Variants in GPHN observed in about 807,000 individuals in gnomAD.
GPHN encodes gephyrin.
A neutral mutation model predicts 95.5 loss-of-function variants in GPHN; 17 were observed. The observed-to-expected ratio is 0.18, with a 90% CI of 0.12 to 0.27. The LOEUF (loss-of-function observed/expected upper bound fraction) is 0.27, where lower values mean the gene tolerates loss of function less well. GPHN is among the 10% of genes least tolerant of loss of function. GPHN has a pLI of 1.00. For synonymous variants in GPHN, 320 were observed against 322.5 expected, an observed-to-expected ratio of 0.99 and a Z score of 0.08; for missense variants, 660 against 978.1, an observed-to-expected ratio of 0.67 and a Z score of 4.34.
the GPHN span, chr14:67,571,442 G>C: frequency 3.5e-6 from 1 of 289,644 alleles, no homozygotes; most frequent in African/African-American, 2.1e-5. Context: ...GGCACACTTA[G>C]TCTGTGGTGT....
intron 10 of GPHN, among the ~76,000 whole-genome samples, chr14:67,055,664 CAAT>C (rs1555476613): frequency 1.3e-5 from 2 of 152,202 alleles, no homozygotes; most frequent in Non-Finnish European, 1.5e-5. Context: ...AAACGCCTAT[CAAT>C]GATAGACTGG....
intron 18 of GPHN, among the ~76,000 whole-genome samples, chr14:67,150,043 G>A (rs994858855): frequency 3.9e-5 from 6 of 152,008 alleles, no homozygotes; most frequent in East Asian, 1.9e-4. Flanking sequence ...GGTATCTTAC[G>A]ATGATTTATT....
chr14:67,028,756 G>A lies in GPHN; in HGVS notation c.1006+5081G>A, dbSNP rs552054863. Reference sequence around the variant, plus strand: ...TAGTTGTTTGAATTCCTTGTATGTTGTGGATATTAGTCCCTTGTCTGATGA... The same window carrying A: ...TAGTTGTTTGAATTCCTTGTATGTTATGGATATTAGTCCCTTGTCTGATGA... On this transcript the variant is annotated intron_variant, in intron 10 of 22. Coordinates refer to ENST00000478722, the MANE Select transcript of GPHN (RefSeq NM_020806.5). 2.2e-4 allele frequency among the ~76,000 whole-genome samples: 33 copies of A among 152,162 alleles called. 1 individual carries two copies. The highest frequency in any genetic ancestry group is 1.4e-3 in the Admixed American group (22 of 15,278).
chr14:67,468,042 C>G, the GPHN span, among the ~76,000 whole-genome samples: 1 of 151,930 alleles, frequency 6.6e-6, no homozygotes, highest in East Asian at 1.9e-4. Flanking sequence ...GGTGCGATCT[C>G]GGCTCACTGC....
At chr14:67,397,988 A>G in the GPHN span, 11,311 of 512,390 alleles carry the variant, frequency 0.022, 172 homozygotes, top group Non-Finnish European at 0.028. Context: ...AGTACGTAGC[A>G]AAGACCTTTG....
chr14:66,763,548 T>C (rs2058841142), intron 2 of GPHN, among the ~76,000 whole-genome samples: 1 of 151,714 alleles, frequency 6.6e-6, no homozygotes, highest in African/African-American at 2.4e-5. Flanking sequence ...ATTTCATCCA[T>C]GTCCCTACAA....
intron 1 of GPHN, among the ~76,000 whole-genome samples, chr14:66,581,114 A>G (rs1328436459): frequency 6.6e-6 from 1 of 151,766 alleles, no homozygotes; most frequent in African/African-American, 2.4e-5. Flanking sequence ...AACATTTTTT[A>G]TGATAAAAAC....
intron 1 of GPHN, among the ~76,000 whole-genome samples, chr14:66,543,456 C>T (rs898576223): frequency 8.5e-5 from 13 of 152,060 alleles, no homozygotes; most frequent in African/African-American, 4.8e-5. Context: ...TCTTGATGAT[C>T]GTGACTGTAA....
At chr14:66,511,413 G>C (rs2058037321) in intron 1 of GPHN, among the ~76,000 whole-genome samples, 1 of 151,970 alleles carries the variant, frequency 6.6e-6, no homozygotes, top group African/African-American at 2.4e-5. Flanking sequence ...TCCTTGGCAT[G>C]CTTCGTAATA....
the GPHN span, among the ~76,000 whole-genome samples, chr14:67,296,183 A>G: frequency 6.6e-6 from 1 of 152,192 alleles, no homozygotes; most frequent in South Asian, 2.1e-4. Flanking sequence ...GACTGAGAAT[A>G]TACCAGGAAG....
At chr14:66,816,102 A>T (rs532474087) in intron 3 of GPHN, among the ~76,000 whole-genome samples, 1 of 152,348 alleles carries the variant, frequency 6.6e-6, no homozygotes, top group East Asian at 1.9e-4. Context: ...ATCAACAAGA[A>T]GATCTAAATA....
the GPHN span, chr14:67,542,109 A>C: frequency 1.7e-5 from 17 of 981,034 alleles, no homozygotes; most frequent in South Asian, 2.8e-4. Context: ...GCTTTTCCCC[A>C]TATGCAAAAT....
the GPHN span, among the ~76,000 whole-genome samples, chr14:67,710,862 T>A: frequency 6.6e-6 from 1 of 152,116 alleles, no homozygotes; most frequent in Non-Finnish European, 1.5e-5. Flanking sequence ...GTATTTATTC[T>A]ATTACATTTA....
intron 1 of GPHN, among the ~76,000 whole-genome samples, chr14:66,679,486 A>C (rs2066813910): frequency 6.6e-6 from 1 of 151,862 alleles, no homozygotes; most frequent in African/African-American, 2.4e-5. Flanking sequence ...ATATTGTATC[A>C]GTTTTGGGCT....
the GPHN span, among the ~76,000 whole-genome samples, chr14:67,330,523 A>C: frequency 1.5e-5 from 2 of 136,374 alleles, no homozygotes; most frequent in African/African-American, 5.6e-5. Flanking sequence ...CAGTGGCACT[A>C]TCTCTGCTCA....
chr14:67,283,528 A>G, the GPHN span, among the ~76,000 whole-genome samples: 5 of 152,198 alleles, frequency 3.3e-5, no homozygotes, highest in African/African-American at 7.2e-5. Flanking sequence ...GATTATTTTT[A>G]CTATCAAATT....
chr14:67,158,033 G>A (rs1221269003), intron 18 of GPHN, among the ~76,000 whole-genome samples: 1 of 151,952 alleles, frequency 6.6e-6, no homozygotes, highest in Non-Finnish European at 1.5e-5. Context: ...ATGGCCTGGT[G>A]CAGTGGTTCA....
intron 2 of GPHN, among the ~76,000 whole-genome samples, chr14:66,714,496 C>T (rs375469197): frequency 1.2e-3 from 184 of 152,178 alleles, no homozygotes; most frequent in African/African-American, 4.1e-3. Context: ...TTTACTTTCT[C>T]TTGTCTGATT....
At chr14:67,355,758 T>A in the GPHN span, among the ~76,000 whole-genome samples, 1 of 151,658 alleles carries the variant, frequency 6.6e-6, no homozygotes, top group Non-Finnish European at 1.5e-5. Flanking sequence ...ATCAGCACTT[T>A]GGGAGGCTAA....
Sources: gnomAD v4.1 joint callset for allele counts (sites outside exome capture counted in the v4.1 genomes callset) on GRCh38, gnomAD v4.1.1 for gene constraint, MANE v1.5 for transcripts, NCBI Gene and HGNC (gene_info 2026-07-23, HGNC 2026-07-21) for gene names.